NEK9: variants seen among roughly 807,000 people sequenced by gnomAD.
NEK9 encodes NIMA related kinase 9.
A neutral mutation model predicts 123.4 loss-of-function variants in NEK9; 75 were observed. The observed-to-expected ratio is 0.61, with a 90% CI of 0.50 to 0.74. The LOEUF is 0.74. Ranked by LOEUF, NEK9 falls within the 30% of genes least tolerant of loss-of-function variation. The probability of loss-of-function intolerance (pLI) is 0.00; values close to 1 mark genes in which losing one functional copy is unlikely to be tolerated. For synonymous variants in NEK9, 438 were observed against 458.7 expected (o/e 0.95, Z 0.58); for missense variants, 952 against 1,214.4 (o/e 0.78, Z 3.21).
At chr14:75,091,099 A>C (rs1894200403) in intron 19 of NEK9, among the ~76,000 whole-genome samples, 171 bp downstream of exon 19, 1 of 152,248 alleles carries the variant, frequency 6.6e-6, no homozygotes, top group Non-Finnish European at 1.5e-5. Flanking sequence ...TTTGGAAAGA[A>C]AAAAGGATTA....
Position 75,084,444 on chromosome 14 carries a change from C to T in NEK9, c.*120G>A. ...GTACAAGGAAAGTGCTTCAGAGCCT[C>T]TGCCTTGCGCTCCTTTTCTGCAAGT... On this transcript the variant is annotated 3_prime_UTR_variant, in exon 22 of 22. Coordinates refer to ENST00000238616, the MANE Select transcript of NEK9 (RefSeq NM_033116.6). The T allele has an allele frequency of 8.3e-7, 1 of 1,203,336 alleles. No homozygotes were observed. Among genetic ancestry groups the T allele is most frequent in the Non-Finnish European group, 1.2e-6 (1 of 839,656 alleles). 74.5% of individuals were successfully genotyped at this position (1,203,336 alleles called of 1,614,324 possible).
At chr14:75,115,549 C>T (rs779575846) in intron 6 of NEK9, among the ~76,000 whole-genome samples, 2 of 152,162 alleles carry the variant, frequency 1.3e-5, no homozygotes, top group Non-Finnish European at 2.9e-5. Context: ...CTTACATTTG[C>T]ATTTTTCATA....
intron 8 of NEK9, among the ~76,000 whole-genome samples, chr14:75,111,484 T>C (rs1432213271): frequency 6.6e-6 from 1 of 152,270 alleles, no homozygotes; most frequent in African/African-American, 2.4e-5. Context: ...CTCTGTCTTA[T>C]GTTTTCCATC....
At chr14:75,090,464 A>G (rs913630304) in intron 19 of NEK9, among the ~76,000 whole-genome samples, 12 of 152,014 alleles carry the variant, frequency 7.9e-5, no homozygotes, top group Admixed American at 5.9e-4. Flanking sequence ...TGTGTTACAT[A>G]TTTCCTAAAA....
At chr14:75,110,522 A>C in intron 8 of NEK9, 151 bp from the exon 9 acceptor site, 1 of 610,556 alleles carries the variant, frequency 1.6e-6, no homozygotes, top group Non-Finnish European at 2.9e-6. Flanking sequence ...CCTCAATACA[A>C]CTCAAAACAG....
At chr14:75,106,436 T>C in intron 12 of NEK9, 66 bp downstream of exon 12, 1 of 1,383,570 alleles carries the variant, frequency 7.2e-7, no homozygotes, top group Non-Finnish European at 1.0e-6. Flanking sequence ...TGGGTTTAGA[T>C]GCATACAACT....
Position 75,088,656 on chromosome 14 carries a change from A to C in NEK9, c.2443-15T>G. The C allele has an allele frequency of 6.2e-7, 1 of 1,608,482 alleles. No homozygotes were observed. Among genetic ancestry groups the C allele is most frequent in the Non-Finnish European group, 8.5e-7 (1 of 1,176,778 alleles). On this transcript the variant is annotated splice_polypyrimidine_tract_variant and intron_variant, in intron 19 of 21. Transcript: ENST00000238616. ...TTTTCCAGCTCCTATGTATATGAGAAAGAATCTCATTAGTCTGTTTGCAGT... is the reference window on the plus strand; with the variant it reads ...TTTTCCAGCTCCTATGTATATGAGACAGAATCTCATTAGTCTGTTTGCAGT...
In NEK9 at chr14:75,087,148, T is replaced by C. The variant is rs1369908797; in HGVS notation, c.2687A>G (p.Gln896Arg). ...TPPACACSSL[Q>R]VEVERLQGLV... Reference sequence around the variant, plus strand: ...ACCCTGCAATCTCTCAACCTCCACCTGCAGAGAGCTGCACGCACACGCAGG... The same window carrying C: ...ACCCTGCAATCTCTCAACCTCCACCCGCAGAGAGCTGCACGCACACGCAGG... Residue 896 changes from glutamine to arginine, a missense_variant, in exon 21 of 22, where the codon CAG (glutamine) becomes CGG (arginine). By Grantham distance (43) the Gln-to-Arg change is conservative. This residue lies in a region of NEK9 where 698 missense variants were observed against 875.6 expected (regional missense o/e 0.80). Coordinates refer to ENST00000238616, the MANE Select transcript of NEK9 (RefSeq NM_033116.6). The C allele has an allele frequency of 2.5e-6, 4 of 1,614,050 alleles. No individual in the cohort carries two copies. The Admixed American group carries it at 6.7e-5, about 27-fold the overall frequency.
At chr14:75,093,185 ACT>A (rs1185407008) in intron 18 of NEK9, among the ~76,000 whole-genome samples, 1 of 152,116 alleles carries the variant, frequency 6.6e-6, no homozygotes, top group Non-Finnish European at 1.5e-5. Flanking sequence ...CACACAAGCC[ACT>A]CTCTGGAGTG....
chr14:75,091,050 T>C (rs1894198837), intron 19 of NEK9, among the ~76,000 whole-genome samples: 1 of 152,200 alleles, frequency 6.6e-6, no homozygotes, highest in African/African-American at 2.4e-5. Context: ...TATAATACAT[T>C]CACTTAAGTA....
chr14:75,117,329 G>C lies in NEK9; in HGVS notation c.631-3C>G, dbSNP rs1011072000. ...ATGTAATATGGGGTTCCCACAAGCT[G>C]AGCAACAAAGAAACAATCAAAGAAT... On this transcript the variant is annotated splice_region_variant and splice_polypyrimidine_tract_variant and intron_variant, in intron 5 of 21. Coordinates refer to ENST00000238616, the MANE Select transcript of NEK9 (RefSeq NM_033116.6). 1 of 1,596,280 alleles carries C rather than the reference G, an allele frequency of 6.3e-7. No homozygotes were observed. Among genetic ancestry groups the C allele is most frequent in the Non-Finnish European group, 8.5e-7 (1 of 1,175,266 alleles).
intron 18 of NEK9, among the ~76,000 whole-genome samples, chr14:75,095,053 C>A (rs763169608): frequency 6.6e-6 from 1 of 152,000 alleles, no homozygotes; most frequent in Non-Finnish European, 1.5e-5. Context: ...CTGGGAATAC[C>A]GTGGAAGTAG....
rs554982940 is a variant in NEK9 at position 75,094,433 on chromosome 14, G to A, written c.2233+939C>T. Among the ~76,000 whole-genome samples, 5 of 152,280 alleles carry A rather than the reference G, an allele frequency of 3.3e-5. No individual in the cohort carries two copies. The East Asian group carries it at 5.8e-4, about 18-fold the overall frequency. On this transcript the variant is annotated intron_variant, in intron 18 of 21. Coordinates refer to ENST00000238616, the MANE Select transcript of NEK9 (RefSeq NM_033116.6). ...AGCTTCCTGAGTACCTGGGACTAACGGCTGTGCCACTGTGCCCAGCTTTAA... is the reference window on the plus strand; with the variant it reads ...AGCTTCCTGAGTACCTGGGACTAACAGCTGTGCCACTGTGCCCAGCTTTAA...
intron 5 of NEK9, among the ~76,000 whole-genome samples, 194 bp downstream of exon 5, chr14:75,118,636 G>A (rs1895219361): frequency 6.6e-6 from 1 of 152,228 alleles, no homozygotes; most frequent in Non-Finnish European, 1.5e-5. Flanking sequence ...AAAAGGCTAT[G>A]AGGTCAGAGC....
intron 13 of NEK9, among the ~76,000 whole-genome samples, chr14:75,105,716 G>T (rs119076): frequency 0.48 from 73,075 of 151,904 alleles, 18,003 homozygotes; most frequent in Middle Eastern, 0.56. Context: ...CCCTGAGTAA[G>T]ATGTGACTTC....
In NEK9 at chr14:75,080,618, T is replaced by C. The variant is rs1054937666; in HGVS notation, c.*3946A>G. ...GGAAACTCATTTCATTAAAAATGTA[T>C]GCAGATGTGCCGAGACAGTATTTCT... On this transcript the variant is annotated 3_prime_UTR_variant, in exon 22 of 22. Transcript: ENST00000238616. 6.6e-6 allele frequency: 1 copy of C among 151,808 alleles called. No homozygotes were observed. The highest frequency in any genetic ancestry group is 1.5e-5 in the Non-Finnish European group (1 of 67,982). The allele number at this position is 151,808 out of a possible 1,614,324, so 9.4% of individuals were successfully genotyped here.
intron 1 of NEK9, among the ~76,000 whole-genome samples, chr14:75,124,552 C>T (rs1895453752): frequency 6.6e-6 from 1 of 152,076 alleles, no homozygotes; most frequent in South Asian, 2.1e-4. Flanking sequence ...GTGATTATGG[C>T]AGGGCAAGAA....
chr14:75,107,499 AGAGGTC>A lies in NEK9; in HGVS notation c.1183-18_1183-13del. The A allele has an allele frequency of 1.9e-6, 3 of 1,579,584 alleles. No homozygotes were observed. The highest frequency in any genetic ancestry group is 2.6e-6 in the Non-Finnish European group (3 of 1,168,722). On this transcript the variant is annotated splice_polypyrimidine_tract_variant and intron_variant, in intron 10 of 21. Coordinates refer to ENST00000238616, the MANE Select transcript of NEK9 (RefSeq NM_033116.6). ...CCTCCTTGCATGTTCTGTGAAATAA[AGAGGTC>A]TTATGACTTTTTTTTTTAATTACAT...
chr14:75,120,512 A>C lies in NEK9; in HGVS notation c.522T>G (p.His174Gln). 6.2e-7 allele frequency: 1 copy of C among 1,611,040 alleles called. No homozygotes were observed. Among genetic ancestry groups the C allele is most frequent in the Non-Finnish European group, 8.5e-7 (1 of 1,177,686 alleles). ...CCATAATTTTTTTTACTTCTTACCT[A>C]TGAAGGATTCCAGCTTTATGGATGC... ...VSCIHKAGIL[H>Q]RDIKTLNIFL... Residue 174 changes from histidine (H) to glutamine (Q), a missense_variant and splice_region_variant, in exon 4 of 22, where the codon CAT becomes CAG. Physicochemically the swap from His to Gln is conservative, Grantham distance 24. This residue lies in a region of NEK9 where 106 missense variants were observed against 153.0 expected (regional missense o/e 0.69). Coordinates refer to ENST00000238616, the MANE Select transcript of NEK9 (RefSeq NM_033116.6).
Sources: allele counts gnomAD v4.1 joint callset (sites outside exome capture counted in the v4.1 genomes callset), GRCh38; gene constraint gnomAD v4.1.1; regional missense constraint gnomAD v4.1.1; transcripts MANE v1.5; gene names NCBI Gene and HGNC (gene_info 2026-07-23, HGNC 2026-07-21).